PCDH9: variants seen among roughly 807,000 people sequenced by gnomAD.
The protein encoded by PCDH9 is protocadherin-9.
A neutral mutation model predicts 70.6 loss-of-function variants in PCDH9; 24 were observed. The ratio of observed to expected loss-of-function variants is 0.34; its 90% CI spans 0.25 to 0.48. PCDH9 has a LOEUF of 0.48. Ranked by LOEUF, PCDH9 falls within the 20% of genes least tolerant of loss-of-function variation. The pLI is 0.99. For missense variants in PCDH9, 1,281 were observed against 1,503.6 expected (o/e 0.85, Z 2.45); for synonymous variants, 562 against 558.5 (o/e 1.01, Z -0.09).
chr13:66,530,046 T>C (rs911486923), intron 4 of PCDH9, among the ~76,000 whole-genome samples: 2 of 152,040 alleles, frequency 1.3e-5, no homozygotes, highest in African/African-American at 2.4e-5. Flanking sequence ...CCTGCATATA[T>C]AGTTGTTACA....
intron 3 of PCDH9, among the ~76,000 whole-genome samples, chr13:66,821,773 A>C (rs2080715735): frequency 6.6e-6 from 1 of 152,146 alleles, no homozygotes; most frequent in Admixed American, 6.6e-5. Context: ...TCAATTCCCC[A>C]TGTGCCTTCA....
intron 2 of PCDH9, among the ~76,000 whole-genome samples, chr13:67,092,098 GA>G (rs1163729302): frequency 6.6e-6 from 1 of 152,034 alleles, no homozygotes; most frequent in East Asian, 1.9e-4. Context: ...GCTAATATTT[GA>G]GTTTTAAATT....
At chr13:67,199,892 A>G (rs1482241265) in intron 2 of PCDH9, among the ~76,000 whole-genome samples, 2 of 151,976 alleles carry the variant, frequency 1.3e-5, no homozygotes, top group Non-Finnish European at 2.9e-5. Context: ...AAGCAAGCTG[A>G]TGGTATTTTC....
At chr13:66,489,319 C>T (rs905948610) in intron 4 of PCDH9, among the ~76,000 whole-genome samples, 1 of 152,038 alleles carries the variant, frequency 6.6e-6, no homozygotes, top group South Asian at 2.1e-4. Flanking sequence ...CTCCAGAAGT[C>T]CTCTGGCAAA....
At chr13:66,662,776 A>G (rs1017525621) in intron 3 of PCDH9, among the ~76,000 whole-genome samples, 3 of 152,214 alleles carry the variant, frequency 2.0e-5, no homozygotes, top group Non-Finnish European at 4.4e-5. Flanking sequence ...ATAAGAGAAG[A>G]CAAGAAAGTA....
Position 66,514,664 on chromosome 13 carries a change from G to A in PCDH9, c.3340+116546C>T, listed in dbSNP as rs145963486. Among the ~76,000 whole-genome samples the A allele has an allele frequency of 1.2e-3, 182 of 152,126 alleles. 3 individuals carry two copies. Among genetic ancestry groups the A allele is most frequent in the African/African-American group, 4.2e-3 (175 of 41,564 alleles). ...TGTGGCAGACATGAGAAAACCTTTT[G>A]CTTTAGCAAAGCTCCCATTGTCTTA... On this transcript the variant is annotated intron_variant, in intron 4 of 4. Coordinates refer to ENST00000377865, the MANE Select transcript of PCDH9 (RefSeq NM_203487.3).
intron 4 of PCDH9, among the ~76,000 whole-genome samples, chr13:66,563,284 C>T (rs968537989): frequency 6.6e-6 from 1 of 152,130 alleles, no homozygotes; most frequent in African/African-American, 2.4e-5. Flanking sequence ...CTGAGTCATC[C>T]TTGAGTCCTT....
intron 2 of PCDH9, among the ~76,000 whole-genome samples, chr13:67,197,394 C>A (rs1356039355): frequency 6.6e-6 from 1 of 151,876 alleles, no homozygotes; most frequent in Non-Finnish European, 1.5e-5. Context: ...AAAAAAATAG[C>A]TAGTGCTGGG....
At chr13:66,410,936 A>G (rs1165339895) in intron 4 of PCDH9, among the ~76,000 whole-genome samples, 1 of 152,222 alleles carries the variant, frequency 6.6e-6, no homozygotes, top group Non-Finnish European at 1.5e-5. Context: ...CCAAAAAAAC[A>G]ACAAATAAAA....
At chr13:66,427,729 G>A (rs1021412880) in intron 4 of PCDH9, among the ~76,000 whole-genome samples, 5 of 151,528 alleles carry the variant, frequency 3.3e-5, no homozygotes, top group African/African-American at 9.7e-5. Flanking sequence ...GTATTCTTGC[G>A]AAGAATGCTC....
At chr13:66,589,209 G>A (rs556845755) in intron 4 of PCDH9, among the ~76,000 whole-genome samples, 105 of 152,084 alleles carry the variant, frequency 6.9e-4, no homozygotes, top group African/African-American at 2.3e-3. Context: ...TATATTTACA[G>A]ATTAGAAAGA....
At chr13:66,819,995 G>A (rs921362169) in intron 3 of PCDH9, among the ~76,000 whole-genome samples, 6 of 152,102 alleles carry the variant, frequency 3.9e-5, no homozygotes, top group African/African-American at 1.4e-4. Flanking sequence ...AGATAATTAT[G>A]GGTACTTTAA....
intron 3 of PCDH9, among the ~76,000 whole-genome samples, chr13:66,843,789 G>A (rs1030828438): frequency 2.6e-5 from 4 of 152,216 alleles, no homozygotes; most frequent in African/African-American, 4.8e-5. Context: ...CCAGAGGAAT[G>A]AGGTTAAGAG....
intron 4 of PCDH9, among the ~76,000 whole-genome samples, chr13:66,397,474 G>GTC (rs1957119898): frequency 1.5e-5 from 1 of 67,158 alleles, no homozygotes. Flanking sequence ...ATATGTGTGT[G>GTC]TGTGTATATA....
At chr13:67,086,641 G>T (rs908003326) in intron 2 of PCDH9, among the ~76,000 whole-genome samples, 1 of 152,170 alleles carries the variant, frequency 6.6e-6, no homozygotes, top group Non-Finnish European at 1.5e-5. Flanking sequence ...TGCTACTGTT[G>T]TTCAAGAGAC....
chr13:67,054,105 C>G (rs1258904992), intron 2 of PCDH9, among the ~76,000 whole-genome samples: 1 of 151,994 alleles, frequency 6.6e-6, no homozygotes, highest in African/African-American at 2.4e-5. Flanking sequence ...AAATAACTGG[C>G]AAAGAAAGGA....
chr13:66,960,394 T>C (rs12430464), intron 2 of PCDH9, among the ~76,000 whole-genome samples: 2,489 of 152,290 alleles, frequency 0.016, 98 homozygotes, highest in Admixed American at 0.082. Context: ...AATCTACATA[T>C]ATTTCATCTA....
intron 3 of PCDH9, among the ~76,000 whole-genome samples, chr13:66,669,941 T>C (rs1210882157): frequency 6.6e-6 from 1 of 152,194 alleles, no homozygotes; most frequent in Non-Finnish European, 1.5e-5. Context: ...TCTTACTCTT[T>C]TGTTTTTTTG....
At chr13:66,908,217 T>C (rs574057404) in intron 2 of PCDH9, among the ~76,000 whole-genome samples, 6 of 152,326 alleles carry the variant, frequency 3.9e-5, no homozygotes, top group Admixed American at 6.5e-5. Context: ...CTAATGCAAA[T>C]GGCAGTTCTC....
Sources: allele counts gnomAD v4.1 joint callset (sites outside exome capture counted in the v4.1 genomes callset), GRCh38; gene constraint gnomAD v4.1.1; transcripts MANE v1.5; gene names NCBI Gene and HGNC (gene_info 2026-07-23, HGNC 2026-07-21).